GNA14: variants seen among roughly 807,000 people sequenced by gnomAD.
The protein encoded by GNA14 is guanine nucleotide-binding protein subunit alpha-14.
In GNA14, 50 loss-of-function variants were observed where a neutral mutation model predicts 42.0. The observed-to-expected ratio is 1.19, with a 90% confidence interval of 0.95 to 1.51. The LOEUF (loss-of-function observed/expected upper bound fraction) is 1.51, where lower values mean the gene tolerates loss of function less well. Among genes scored for constraint, GNA14 ranks in the 40% most tolerant of loss-of-function variants. The probability of loss-of-function intolerance (pLI) is 0.00; values close to 1 mark genes in which losing one functional copy is unlikely to be tolerated. For synonymous variants in GNA14, 173 were observed against 163.1 expected (o/e 1.06, Z -0.46); for missense variants, 473 against 446.2 (o/e 1.06, Z -0.54).
In GNA14 at chr9:77,647,900, G is replaced by T; in HGVS notation, c.-107C>A. 7.5e-7 allele frequency: 1 copy of T among 1,327,088 alleles called. No individual in the cohort carries two copies. Among genetic ancestry groups the T allele is most frequent in the South Asian group, 1.3e-5 (1 of 74,820 alleles). The allele number at this position is 1,327,088 out of a possible 1,614,324, so 82.2% of individuals were successfully genotyped here. ...TGCGACGGGCACAGGGGTGTGGAAA[G>T]AAAAGACGGGGGCCGACTTGAGCTT... is the stretch of plus-strand genomic sequence containing the variant. On this transcript the variant is annotated 5_prime_UTR_variant, in exon 1 of 7. Transcript: ENST00000341700.
intron 2 of GNA14, among the ~76,000 whole-genome samples, chr9:77,525,400 GT>G (rs932136751): frequency 1.2e-4 from 18 of 152,272 alleles, no homozygotes; most frequent in African/African-American, 4.3e-4. Flanking sequence ...CCAGGTGTCA[GT>G]TTGAGAAAGT....
chr9:77,615,663 T>C (rs563217218), intron 1 of GNA14, among the ~76,000 whole-genome samples: 1 of 150,736 alleles, frequency 6.6e-6, no homozygotes, highest in Admixed American at 6.6e-5. Flanking sequence ...TTTCTGTACT[T>C]AGACCATCCC....
At chr9:77,595,803 A>G (rs10747019) in intron 1 of GNA14, among the ~76,000 whole-genome samples, 94,647 of 147,948 alleles carry the variant, frequency 0.64, 31,977 homozygotes, top group East Asian at 0.83. Flanking sequence ...TTCTCTCAAG[A>G]GAGAGAGAGA....
intron 1 of GNA14, among the ~76,000 whole-genome samples, chr9:77,611,680 G>A (rs540367537): frequency 3.5e-4 from 53 of 152,176 alleles, no homozygotes; most frequent in African/African-American, 1.2e-3. Flanking sequence ...TTTCTTACAC[G>A]TATGATCATC....
At chr9:77,452,260 A>C (rs1835914762) in intron 2 of GNA14, among the ~76,000 whole-genome samples, 1 of 152,168 alleles carries the variant, frequency 6.6e-6, no homozygotes, top group Non-Finnish European at 1.5e-5. Context: ...TTTGCCTTTA[A>C]GTAGCAACAA....
chr9:77,628,725 A>C (rs1433386162), intron 1 of GNA14, among the ~76,000 whole-genome samples: 8 of 152,148 alleles, frequency 5.3e-5, no homozygotes, highest in African/African-American at 1.9e-4. Flanking sequence ...TACCCCTTAC[A>C]CAAAAATTAA....
chr9:77,489,229 G>C (rs1330941317), intron 2 of GNA14, among the ~76,000 whole-genome samples: 1 of 151,396 alleles, frequency 6.6e-6, no homozygotes, highest in East Asian at 1.9e-4. Context: ...CACAGTTAGA[G>C]GGAAAAAAAA....
chr9:77,619,702 C>A (rs751125551), intron 1 of GNA14, among the ~76,000 whole-genome samples: 1 of 152,112 alleles, frequency 6.6e-6, no homozygotes, highest in Admixed American at 6.5e-5. Flanking sequence ...AGATATAAAA[C>A]CCTCAGAATG....
At chr9:77,624,086 A>G (rs930474022) in intron 1 of GNA14, among the ~76,000 whole-genome samples, 2 of 152,008 alleles carry the variant, frequency 1.3e-5, no homozygotes, top group African/African-American at 2.4e-5. Context: ...GCTGGGAGGG[A>G]GGGGCATCCG....
chr9:77,532,984 G>A (rs1057340432), intron 1 of GNA14, among the ~76,000 whole-genome samples: 1 of 152,274 alleles, frequency 6.6e-6, no homozygotes, highest in East Asian at 1.9e-4. Context: ...AGGGGTCACA[G>A]TCCAGAGGGC....
At chr9:77,479,050 G>T (rs1290348456) in intron 2 of GNA14, among the ~76,000 whole-genome samples, 5 of 152,100 alleles carry the variant, frequency 3.3e-5, no homozygotes, top group African/African-American at 7.2e-5. Context: ...GTCAATTTTG[G>T]CTTTTGTTGC....
chr9:77,592,991 G>A (rs1221659369), intron 1 of GNA14, among the ~76,000 whole-genome samples: 1 of 152,062 alleles, frequency 6.6e-6, no homozygotes. Context: ...CTGTTTCAAT[G>A]ATCAATTATT....
intron 4 of GNA14, among the ~76,000 whole-genome samples, chr9:77,429,340 T>C (rs1436950312): frequency 7.2e-5 from 11 of 152,118 alleles, no homozygotes; most frequent in Admixed American, 7.2e-4. Flanking sequence ...AAACGTTCAC[T>C]TGGGTTCTGT....
At chr9:77,549,425 C>A (rs569435700) in intron 1 of GNA14, among the ~76,000 whole-genome samples, 1 of 152,264 alleles carries the variant, frequency 6.6e-6, no homozygotes, top group Admixed American at 6.5e-5. Flanking sequence ...ACCAGCCCTC[C>A]TTTTCAAGCT....
intron 2 of GNA14, among the ~76,000 whole-genome samples, chr9:77,498,734 T>G (rs1437420537): frequency 1.3e-5 from 2 of 152,216 alleles, no homozygotes; most frequent in African/African-American, 4.8e-5. Flanking sequence ...CCGCTGAGGA[T>G]GCCATGAGTT....
At chr9:77,575,249 G>A (rs775106274) in intron 1 of GNA14, among the ~76,000 whole-genome samples, 29 of 152,180 alleles carry the variant, frequency 1.9e-4, no homozygotes, top group Admixed American at 1.5e-3. Flanking sequence ...CGAGCATGGT[G>A]GCACATGCCT....
intron 1 of GNA14, among the ~76,000 whole-genome samples, chr9:77,599,365 T>C (rs1185961951): frequency 6.6e-6 from 1 of 152,154 alleles, no homozygotes; most frequent in Non-Finnish European, 1.5e-5. Flanking sequence ...AATTTTTGAA[T>C]AGGGGGAAGG....
At chr9:77,428,815 A>T in intron 5 of GNA14, 92 bp downstream of exon 5, 1 of 1,269,690 alleles carries the variant, frequency 7.9e-7, no homozygotes, top group East Asian at 2.3e-5. Flanking sequence ...TGACCTAATG[A>T]CGAGGGTCTA....
At chr9:77,570,726 A>G (rs867440427) in intron 1 of GNA14, among the ~76,000 whole-genome samples, 12 of 152,242 alleles carry the variant, frequency 7.9e-5, no homozygotes, top group Middle Eastern at 3.4e-3. Context: ...GTGTGGATAT[A>G]TGTTTCAATT....
Sources: gnomAD v4.1 joint callset for allele counts (sites outside exome capture counted in the v4.1 genomes callset) on GRCh38, gnomAD v4.1.1 for gene constraint, MANE v1.5 for transcripts, NCBI Gene and HGNC (gene_info 2026-07-23, HGNC 2026-07-21) for gene names.